Variants in ANTXR1 observed in about 807,000 individuals in gnomAD.
ANTXR1 encodes ANTXR cell adhesion molecule 1, also known as anthrax toxin receptor 1.
Under a neutral mutation model 78.1 loss-of-function variants are expected in ANTXR1, and 19 were observed. The observed-to-expected ratio is 0.24, with a 90% CI of 0.17 to 0.36. The LOEUF is 0.36. Among genes scored for constraint, ANTXR1 ranks in the 10% least tolerant of loss-of-function variants. The pLI, the probability that ANTXR1 is intolerant of heterozygous loss-of-function variation, is 1.00. For synonymous variants in ANTXR1, 273 were observed against 260.5 expected, an observed-to-expected ratio of 1.05 and a Z score of -0.46; for missense variants, 518 against 718.6, an observed-to-expected ratio of 0.72 and a Z score of 3.19.
chr2:69,083,680 G>T (rs1670961888), intron 8 of ANTXR1, among the ~76,000 whole-genome samples: 1 of 151,920 alleles, frequency 6.6e-6, no homozygotes, highest in African/African-American at 2.4e-5. Flanking sequence ...TAGAGCTTTT[G>T]TGACCCAGGG....
chr2:69,017,621 G>A (rs761679581), intron 1 of ANTXR1, among the ~76,000 whole-genome samples: 12 of 152,168 alleles, frequency 7.9e-5, no homozygotes, highest in Non-Finnish European at 1.3e-4. Flanking sequence ...ACACAATAGG[G>A]CATTATTAGT....
At chr2:69,080,558 A>C (rs1670870685) in intron 8 of ANTXR1, among the ~76,000 whole-genome samples, 1 of 152,216 alleles carries the variant, frequency 6.6e-6, no homozygotes, top group Admixed American at 6.5e-5. Context: ...ACTTATTGAA[A>C]ATCTTTTATG....
chr2:69,077,244 A>G, intron 7 of ANTXR1, 164 bp from the exon 8 acceptor site: 1 of 700,282 alleles, frequency 1.4e-6, no homozygotes, highest in Non-Finnish European at 2.5e-6. Flanking sequence ...TGAGCTTGTT[A>G]TTACTGATGG....
chr2:69,029,948 TTA>T (rs981455072), intron 1 of ANTXR1, among the ~76,000 whole-genome samples: 33 of 152,278 alleles, frequency 2.2e-4, no homozygotes, highest in African/African-American at 7.5e-4. Flanking sequence ...TGTAAAATTT[TTA>T]TGCGAGGTAG....
At chr2:69,083,523 A>G (rs1353827898) in intron 8 of ANTXR1, among the ~76,000 whole-genome samples, 2 of 152,182 alleles carry the variant, frequency 1.3e-5, no homozygotes, top group Non-Finnish European at 2.9e-5. Flanking sequence ...CTTGCTTGGC[A>G]TGTGGATCTG....
At chr2:69,143,946 C>G (rs1558595919) in intron 12 of ANTXR1, among the ~76,000 whole-genome samples, 1 of 152,116 alleles carries the variant, frequency 6.6e-6, no homozygotes, top group African/African-American at 2.4e-5. Flanking sequence ...CCCTAAGGTG[C>G]CTACCAGAAA....
intron 1 of ANTXR1, among the ~76,000 whole-genome samples, chr2:69,023,904 A>AAC: frequency 6.6e-6 from 1 of 152,366 alleles, no homozygotes; most frequent in Middle Eastern, 3.4e-3. Context: ...AAAGCAAACT[A>AAC]ACACATACTC....
At chr2:69,049,377 C>G (rs1444051572) in intron 3 of ANTXR1, among the ~76,000 whole-genome samples, 1 of 152,116 alleles carries the variant, frequency 6.6e-6, no homozygotes, top group Non-Finnish European at 1.5e-5. Context: ...GTGGTGCGAA[C>G]TCAGCTCACT....
chr2:69,159,539 G>GAA (rs5831961), intron 13 of ANTXR1, among the ~76,000 whole-genome samples: 8 of 149,320 alleles, frequency 5.4e-5, no homozygotes, highest in Non-Finnish European at 1.2e-4. Flanking sequence ...CAATTAAAAA[G>GAA]AAAAAAAAAA....
intron 9 of ANTXR1, among the ~76,000 whole-genome samples, chr2:69,095,981 G>T (rs973742336): frequency 3.9e-5 from 6 of 152,022 alleles, no homozygotes; most frequent in Non-Finnish European, 5.9e-5. Flanking sequence ...AATTCCAGCC[G>T]GGCACGGTGG....
At chr2:69,142,611 C>T (rs1291893447) in intron 12 of ANTXR1, among the ~76,000 whole-genome samples, 3 of 152,124 alleles carry the variant, frequency 2.0e-5, no homozygotes, top group Non-Finnish European at 4.4e-5. Context: ...TTCTCCAGTA[C>T]TTGGAGAGGG....
At chr2:69,104,165 C>A (rs1558550983) in intron 10 of ANTXR1, among the ~76,000 whole-genome samples, 1 of 152,124 alleles carries the variant, frequency 6.6e-6, no homozygotes, top group Admixed American at 6.5e-5. Context: ...TCTCGAACTC[C>A]TGACCTCACA....
At chr2:69,148,014 G>A (rs1266716365) in intron 12 of ANTXR1, among the ~76,000 whole-genome samples, 1 of 152,174 alleles carries the variant, frequency 6.6e-6, no homozygotes, top group Non-Finnish European at 1.5e-5. Context: ...GAAGAATTGG[G>A]CAGAATTGCA....
intron 10 of ANTXR1, among the ~76,000 whole-genome samples, chr2:69,110,576 AGGCCG>A (rs1328969337): frequency 1.2e-4 from 19 of 152,328 alleles, no homozygotes; most frequent in African/African-American, 4.1e-4. Flanking sequence ...GTTACAAAAC[AGGCCG>A]GGCGCGGTGG....
chr2:69,235,017 CTTTTTT>C (rs748250586), intron 17 of ANTXR1, among the ~76,000 whole-genome samples: 3 of 83,366 alleles, frequency 3.6e-5, no homozygotes, highest in East Asian at 4.0e-4. Context: ...ATGATGAAAG[CTTTTTT>C]TTTTTTTTTT....
At position 69,245,356 on chromosome 2, in the gene ANTXR1, T is replaced by TGC; in HGVS notation, c.1566_1567insGC (p.Pro523AlafsTer72). On this transcript the variant is annotated frameshift_variant, in exon 18 of 18. Transcript: ENST00000303714. LOFTEE classifies it high-confidence loss of function. The stretch of plus-strand genomic sequence containing the variant: ...CCCCACCTCCTGCGCCCCACTGCCC[T>TGC]CCCCCGCCCCCCAGCGCCCCTACCC... 1.2e-6 allele frequency: 1 copy of TGC among 827,808 alleles called. No homozygotes were observed. The highest frequency in any genetic ancestry group is 1.5e-6 in the Non-Finnish European group (1 of 654,768). 51.3% of individuals were successfully genotyped at this position (827,808 alleles called of 1,614,324 possible). A position where few individuals can be genotyped will look rare whatever the true frequency, so the allele number is the denominator to read the frequency against.
At chr2:69,091,135 A>T (rs1671220258) in intron 9 of ANTXR1, among the ~76,000 whole-genome samples, 1 of 151,604 alleles carries the variant, frequency 6.6e-6, no homozygotes, top group African/African-American at 2.4e-5. Context: ...AAAAAAAAAA[A>T]ATCTGTCCAA....
At chr2:69,040,603 T>C (rs1447656547) in intron 2 of ANTXR1, among the ~76,000 whole-genome samples, 1 of 152,212 alleles carries the variant, frequency 6.6e-6, no homozygotes. Context: ...TAGCTGTGTG[T>C]ACTATTATCA....
intron 3 of ANTXR1, among the ~76,000 whole-genome samples, chr2:69,046,008 T>C (rs1009968178): frequency 1.3e-5 from 2 of 152,182 alleles, no homozygotes; most frequent in Admixed American, 6.5e-5. Context: ...GTGACTTGCC[T>C]TCAATACTGG....
Sources: allele counts gnomAD v4.1 joint callset (sites outside exome capture counted in the v4.1 genomes callset), GRCh38; gene constraint gnomAD v4.1.1; transcripts MANE v1.5; gene names NCBI Gene and HGNC (gene_info 2026-07-23, HGNC 2026-07-21).